The following MUC3A variants were observed in gnomAD, a reference collection of about 807,000 sequenced individuals.
The protein encoded by MUC3A is mucin-3A.
In MUC3A, 109 loss-of-function variants were observed where a neutral mutation model predicts 109.0. That is an observed-to-expected ratio of 1.00 (90% CI 0.86 to 1.17). MUC3A has a LOEUF of 1.17. Ranked by LOEUF, MUC3A falls within the 50% of genes most tolerant of loss-of-function variation. The pLI is 0.00. For missense variants in MUC3A, 3,537 were observed against 2,469.4 expected (o/e 1.43, Z -9.16); for synonymous variants, 1,398 against 981.4 (o/e 1.42, Z -7.93).
rs914918449 is a variant in MUC3A at position 100,954,055 on chromosome 7, C to T, written c.2276C>T (p.Thr759Ile). The change falls in exon 2 of 12, where the codon ACC becomes ATC. Residue 759 changes from threonine to isoleucine, a missense_variant. By Grantham distance (89) the Thr-to-Ile change is moderately conservative. Transcript: ENST00000379458. ...ACTGCAAAAACAGCCAAAACTCCTA[C>T]CACAAACTTGGTAACCACCACCACC... ...VSTAKTAKTPTTNLVTTTTKT... is the reference protein window; with the variant it reads ...VSTAKTAKTPITNLVTTTTKT... The T allele has an allele frequency of 8.7e-3, 4,383 of 505,058 alleles. 4 individuals are homozygous for T. Among genetic ancestry groups the T allele is most frequent in the Non-Finnish European group, 0.012 (3,347 of 285,148 alleles). 31.3% of individuals were successfully genotyped at this position (505,058 alleles called of 1,614,324 possible).
In MUC3A at chr7:100,959,504, A is replaced by T. The variant is rs1208953378; in HGVS notation, c.7725A>T (p.Glu2575Asp). 9.5e-6 allele frequency: 15 copies of T among 1,585,552 alleles called. No homozygotes were observed. In the South Asian group the frequency reaches 1.5e-4, roughly 16 times the overall value. Residue 2575 changes from glutamate to aspartate, a missense_variant, in exon 2 of 12, where the codon GAA becomes GAT. By Grantham distance (45) the Glu-to-Asp change is conservative. Transcript: ENST00000379458. The part of the protein sequence containing the change: ...SFSTSIVVIP[E>D]TPTQTPPVLT... ...GCACAAGTATTGTTGTTATACCTGA[A>T]ACCCCAACACAGACCCCTCCTGTAC...
In MUC3A at chr7:100,956,110, C is replaced by T. The variant is rs1056759765; in HGVS notation, c.4331C>T (p.Thr1444Met). 24 of 438,004 alleles carry T rather than the reference C, an allele frequency of 5.5e-5. No homozygotes were observed. The highest frequency in any genetic ancestry group is 2.9e-4 in the South Asian group (4 of 13,580). 27.1% of individuals were successfully genotyped at this position (438,004 alleles called of 1,614,324 possible). Reference protein sequence around the residue: ...SHTTNTNPVSTLVTTLPITIT... With the variant: ...SHTTNTNPVSMLVTTLPITIT... Reference sequence around the variant, plus strand: ...ACCACAAACACCAATCCTGTATCCACGTTGGTGACTACACTCCCCATTACC... The same window carrying T: ...ACCACAAACACCAATCCTGTATCCATGTTGGTGACTACACTCCCCATTACC... Residue 1444 changes from threonine (T) to methionine (M), a missense_variant, in exon 2 of 12, where the codon ACG becomes ATG. Transcript: ENST00000379458.
chr7:100,961,557 G>T (rs1198416663), intron 3 of MUC3A, among the ~76,000 whole-genome samples: 1 of 152,312 alleles, frequency 6.6e-6, no homozygotes, highest in Admixed American at 6.5e-5. Flanking sequence ...GCCGGGCGGG[G>T]TGGCTCACAC....
intron 3 of MUC3A, among the ~76,000 whole-genome samples, chr7:100,962,815 T>TTCTTTCTTTCTCTCTCTCTCTC (rs1792380471): frequency 1.2e-5 from 1 of 80,116 alleles, no homozygotes; most frequent in African/African-American, 4.4e-5. Context: ...CTCTCTCTCT[T>TTCTTTCTTTCTCTCTCTCTCTC]TCTTTCTTTC....
rs200599465 is a variant in MUC3A at position 100,960,544 on chromosome 7, C to T, written c.8765C>T (p.Thr2922Ile). ...CCACCCACCACTAGGACTTCAGAGA[C>T]ACCAGTGGCCACTACCCAGACTCCT... is the stretch of plus-strand genomic sequence containing the variant. ...PSPPTTRTSE[T>I]PVATTQTPTT... Residue 2922 changes from threonine to isoleucine, a missense_variant, in exon 2 of 12, where the codon ACA becomes ATA. Transcript: ENST00000379458. 0.048 allele frequency: 66,809 copies of T among 1,382,042 alleles called. No homozygotes were observed. Among genetic ancestry groups the T allele is most frequent in the Admixed American group, 0.22 (9,772 of 44,000 alleles). 85.6% of individuals were successfully genotyped at this position (1,382,042 alleles called of 1,614,324 possible).
In MUC3A at chr7:100,959,615, T is replaced by TCCATCA. The variant is rs1792244929; in HGVS notation, c.7836_7837insCCATCA (p.His2612_Thr2613insProSer). On this transcript the variant is annotated inframe_insertion, in exon 2 of 12. Coordinates refer to ENST00000379458, the MANE Select transcript of MUC3A (RefSeq NM_005960.2). ...CGGATTCCTCCACGTCCACTCTTCA[T>TCCATCA]ACTCTTACTCCATCAACAGCCTTGA... The TCCATCA allele has an allele frequency of 6.3e-7, 1 of 1,598,278 alleles. No individual in the cohort carries two copies. The highest frequency in any genetic ancestry group is 1.3e-5 in the African/African-American group (1 of 74,960).
chr7:100,961,056 C>T, intron 3 of MUC3A, 119 bp downstream of exon 3: 1 of 1,552,882 alleles, frequency 6.4e-7, no homozygotes, highest in Non-Finnish European at 8.6e-7. Flanking sequence ...GTCCTTCCCT[C>T]CCTGCCATCT....
chr7:100,953,266 C>T lies in MUC3A; in HGVS notation c.1487C>T (p.Thr496Ile), dbSNP rs1001933805. The T allele has an allele frequency of 1.3e-4, 72 of 542,888 alleles. No homozygotes were observed. Among genetic ancestry groups the T allele is most frequent in the Non-Finnish European group, 2.2e-4 (67 of 309,746 alleles). The allele number at this position is 542,888 out of a possible 1,614,324, so 33.6% of individuals were successfully genotyped here. A position where few individuals can be genotyped will look rare whatever the true frequency, so the allele number is the denominator to read the frequency against. The change falls in exon 2 of 12, where the codon ACC (threonine) becomes ATC (isoleucine). Residue 496 changes from threonine to isoleucine, a missense_variant. Coordinates refer to ENST00000379458, the MANE Select transcript of MUC3A (RefSeq NM_005960.2). ...PSSPSIQNTE[T>I]SSLVSMTSAT... Reference sequence around the variant, plus strand: ...TCCCCCAGCATTCAGAATACAGAAACCTCATCCCTTGTCAGCATGACCTCT... The same window carrying T: ...TCCCCCAGCATTCAGAATACAGAAATCTCATCCCTTGTCAGCATGACCTCT...
At position 100,960,481 on chromosome 7, in the gene MUC3A, C is replaced by G. The variant is rs751652961; in HGVS notation, c.8702C>G (p.Thr2901Ser). 1.3e-6 allele frequency: 2 copies of G among 1,598,676 alleles called. No homozygotes were observed. Among genetic ancestry groups the G allele is most frequent in the South Asian group, 1.1e-5 (1 of 91,092 alleles). ...ATGAAACCAAGCAGTAGCCTCCCGA[C>G]CATCCTGAGGACTTCAAGCAAGTCA... is the stretch of plus-strand genomic sequence containing the variant. Reference protein sequence around the residue: ...LTMKPSSSLPTILRTSSKSTH... With the variant: ...LTMKPSSSLPSILRTSSKSTH... The change falls in exon 2 of 12, where the codon ACC becomes AGC. Residue 2901 changes from threonine (T) to serine (S), a missense_variant. Transcript: ENST00000379458.
chr7:100,967,115 TGACAGGTG>T lies in MUC3A; in HGVS notation c.9931-5_9933del, dbSNP rs1420805320. The T allele has an allele frequency of 6.3e-7, 1 of 1,598,548 alleles. No homozygotes were observed. The highest frequency in any genetic ancestry group is 1.7e-5 in the Admixed American group (1 of 60,030). On this transcript the variant is annotated splice_acceptor_variant and splice_polypyrimidine_tract_variant and coding_sequence_variant and intron_variant, in exon 12 of 12. Coordinates refer to ENST00000379458, the MANE Select transcript of MUC3A (RefSeq NM_005960.2). LOFTEE classifies it high-confidence loss of function. Reference sequence around the variant, plus strand: ...GCGTTCCCGTCCCTCACTGTGACTCTGACAGGTGCACATCAAGAGACCCGAGATGACCT... The same window carrying T: ...GCGTTCCCGTCCCTCACTGTGACTCTCACATCAAGAGACCCGAGATGACCT...
intron 11 of MUC3A, 48 bp from the exon 12 acceptor site, chr7:100,967,073 C>T (rs762480449): frequency 6.3e-7 from 1 of 1,598,512 alleles, no homozygotes; most frequent in Non-Finnish European, 8.5e-7. Flanking sequence ...TCCCTGTCAG[C>T]CCAAACCAGT....
intron 8 of MUC3A, 109 bp from the exon 9 acceptor site, chr7:100,966,277 C>A: frequency 8.9e-7 from 1 of 1,121,112 alleles, no homozygotes; most frequent in Non-Finnish European, 1.1e-6. Flanking sequence ...GAACCCCCCG[C>A]TGCCCTAGGC....
In MUC3A at chr7:100,952,793, T is replaced by A. The variant is rs747669997; in HGVS notation, c.1014T>A (p.Thr338=). ...STPTSETTYT[T]SPTSTVTDST... ...CTACATCTGAGACCACCTACACTAC[T>A]TCTCCCACCAGCACTGTCACAGACT... Residue 338 remains threonine (T), a synonymous_variant, in exon 2 of 12, where the codon ACT becomes ACA. Transcript: ENST00000379458. 5.8e-6 allele frequency: 9 copies of A among 1,548,416 alleles called. No individual in the cohort carries two copies. The Admixed American group carries it at 1.4e-4, about 23-fold the overall frequency.
At chr7:100,965,137 GCTCTCTCCGTCTGGGAGAGGGCT>G in intron 6 of MUC3A, 122 bp from the exon 7 acceptor site, 1 of 1,169,918 alleles carries the variant, frequency 8.5e-7, no homozygotes, top group East Asian at 2.9e-5. Flanking sequence ...TTCGCCTGTG[GCTCTCTCCGTCTGGGAGAGGGCT>G]CTCCCAGACG....
chr7:100,963,220 A>C lies in MUC3A; in HGVS notation c.9122A>C (p.Asn3041Thr). ...DQQFSPDLNDNTSQAYRDFNK... is the reference protein window; with the variant it reads ...DQQFSPDLNDTTSQAYRDFNK... ...CAGTTCTCGCCGGACCTCAATGACAACACTTCCCAGGCCTACAGGGATTTC... is the reference window on the plus strand; with the variant it reads ...CAGTTCTCGCCGGACCTCAATGACACCACTTCCCAGGCCTACAGGGATTTC... Residue 3041 changes from asparagine (N) to threonine (T), a missense_variant, in exon 4 of 12, where the codon AAC (asparagine) becomes ACC (threonine). By Grantham distance (65) the Asn-to-Thr change is moderately conservative (BLOSUM62 0). Transcript: ENST00000379458. The C allele has an allele frequency of 1.3e-6, 2 of 1,598,364 alleles. No homozygotes were observed. The highest frequency in any genetic ancestry group is 1.7e-6 in the Non-Finnish European group (2 of 1,179,754).
At position 100,954,396 on chromosome 7, in the gene MUC3A, A is replaced by G. The variant is rs1288413929; in HGVS notation, c.2617A>G (p.Ile873Val). The change falls in exon 2 of 12, where the codon ATC (isoleucine) becomes GTC (valine). Residue 873 changes from isoleucine to valine, a missense_variant. Physicochemically the swap from Ile to Val is conservative, Grantham distance 29. Coordinates refer to ENST00000379458, the MANE Select transcript of MUC3A (RefSeq NM_005960.2). Reference sequence around the variant, plus strand: ...CACTGTCCAGAATACAGAAATCTCAATCTCTGTTAGCATGACGTCTGCTAC... The same window carrying G: ...CACTGTCCAGAATACAGAAATCTCAGTCTCTGTTAGCATGACGTCTGCTAC... ...SPTVQNTEIS[I>V]SVSMTSATTP... 2 of 345,710 alleles carry G rather than the reference A, an allele frequency of 5.8e-6. No homozygotes were observed. The highest frequency in any genetic ancestry group is 5.7e-5 in the Admixed American group (1 of 17,634). 21.4% of individuals were successfully genotyped at this position (345,710 alleles called of 1,614,324 possible).
intron 4 of MUC3A, among the ~76,000 whole-genome samples, 180 bp from the exon 5 acceptor site, chr7:100,963,508 A>C (rs985798971): frequency 3.3e-5 from 5 of 152,312 alleles, no homozygotes; most frequent in Non-Finnish European, 7.3e-5. Flanking sequence ...ACTGGTCTCG[A>C]ACTACTGACT....
chr7:100,961,180 G>A (rs1450108040), intron 3 of MUC3A, among the ~76,000 whole-genome samples: 1 of 152,430 alleles, frequency 6.6e-6, no homozygotes, highest in Middle Eastern at 3.4e-3. Flanking sequence ...GCTTGGAGCT[G>A]TATCAGTTTC....
At chr7:100,949,905 A>G (rs546971181) in intron 1 of MUC3A, among the ~76,000 whole-genome samples, 21 of 142,504 alleles carry the variant, frequency 1.5e-4, no homozygotes, top group Admixed American at 6.3e-4. Flanking sequence ...CGAGGTTGGG[A>G]AAGAGTGAGG....
Sources: gnomAD v4.1 joint callset for allele counts (sites outside exome capture counted in the v4.1 genomes callset) on GRCh38, gnomAD v4.1.1 for gene constraint, MANE v1.5 for transcripts, NCBI Gene and HGNC (gene_info 2026-07-23, HGNC 2026-07-21) for gene names.